The following KIF15 variants were observed in gnomAD, a reference collection of about 807,000 sequenced individuals.
KIF15 encodes kinesin-like protein KIF15.
Under a neutral mutation model 190.6 loss-of-function variants are expected in KIF15, and 140 were observed. The observed-to-expected ratio is 0.73, with a 90% CI of 0.64 to 0.84. KIF15 has a LOEUF of 0.84. Ranked by LOEUF, KIF15 falls within the 40% of genes least tolerant of loss-of-function variation. The pLI is 0.00. For synonymous variants in KIF15, 528 were observed against 551.3 expected, an observed-to-expected ratio of 0.96 and a Z score of 0.59; for missense variants, 1,372 against 1,584.4, an observed-to-expected ratio of 0.87 and a Z score of 2.28.
intron 20 of KIF15, among the ~76,000 whole-genome samples, chr3:44,818,846 G>A (rs1363574348): frequency 1.3e-5 from 2 of 152,152 alleles, no homozygotes; most frequent in Non-Finnish European, 2.9e-5. Context: ...ACCTCTGATA[G>A]AATTTGGCTG....
chr3:44,766,807 CTT>C (rs766382105), intron 1 of KIF15, among the ~76,000 whole-genome samples: 8 of 118,526 alleles, frequency 6.7e-5, no homozygotes, highest in South Asian at 2.8e-4. Flanking sequence ...TTCTTTCTTT[CTT>C]TTTTTTTTTT....
intron 22 of KIF15, chr3:44,826,880 A>G (rs529964461): frequency 1.9e-4 from 67 of 357,860 alleles, no homozygotes; most frequent in African/African-American, 1.3e-3. Context: ...TCTCCTTAGT[A>G]GTCTCAGTGA....
At chr3:44,776,240 CTT>C (rs535104266) in intron 3 of KIF15, among the ~76,000 whole-genome samples, 11 of 145,030 alleles carry the variant, frequency 7.6e-5, no homozygotes, top group African/African-American at 2.0e-4. Flanking sequence ...CAAAAGCCTT[CTT>C]TTTTTTTTTT....
chr3:44,827,571 A>G, intron 23 of KIF15, 43 bp downstream of exon 23: 1 of 1,280,312 alleles, frequency 7.8e-7, no homozygotes. Flanking sequence ...GAAGTTTATA[A>G]CTTTTATTCC....
At chr3:44,766,729 G>A (rs1285005665) in intron 1 of KIF15, among the ~76,000 whole-genome samples, 3 of 151,528 alleles carry the variant, frequency 2.0e-5, no homozygotes, top group African/African-American at 7.3e-5. Flanking sequence ...GAATGTTCTT[G>A]AACAGATGTT....
intron 20 of KIF15, among the ~76,000 whole-genome samples, chr3:44,825,579 C>T (rs1414104483): frequency 5.3e-5 from 8 of 152,178 alleles, no homozygotes; most frequent in Non-Finnish European, 1.0e-4. Flanking sequence ...CTTTCTTGCT[C>T]AAATCAAATT....
Position 44,840,350 on chromosome 3 carries a change from C to T in KIF15, c.3319-5C>T. On this transcript the variant is annotated splice_region_variant and splice_polypyrimidine_tract_variant and intron_variant, in intron 27 of 34. Transcript: ENST00000326047. ...TGTAACCTTGTATCTGTTCAATTTT[C>T]CCAGCTAAACCAAAAGAAAGAGGAA... The T allele has an allele frequency of 6.3e-7, 1 of 1,576,192 alleles. No homozygotes were observed. The highest frequency in any genetic ancestry group is 8.7e-7 in the Non-Finnish European group (1 of 1,153,682).
At chr3:44,762,005 C>T in intron 1 of KIF15, 121 bp downstream of exon 1, 1 of 1,261,490 alleles carries the variant, frequency 7.9e-7, no homozygotes, top group East Asian at 2.4e-5. Context: ...AGCTGAGTGA[C>T]CGGCGGGGAC....
intron 19 of KIF15, among the ~76,000 whole-genome samples, chr3:44,814,663 G>T (rs1344130589): frequency 6.6e-6 from 1 of 152,164 alleles, no homozygotes; most frequent in Non-Finnish European, 1.5e-5. Flanking sequence ...GCAAAGTCAA[G>T]TGACCTGTAA....
At chr3:44,857,561 GTC>G (rs2125736449), downstream of KIF15, among the ~76,000 whole-genome samples, 1 of 152,316 alleles carries the variant, frequency 6.6e-6, no homozygotes, top group East Asian at 1.9e-4. Flanking sequence ...TGCAGGAGCA[GTC>G]TCTAAAGCTG....
intron 20 of KIF15, among the ~76,000 whole-genome samples, chr3:44,822,931 T>C (rs1438714204): frequency 6.6e-6 from 1 of 152,192 alleles, no homozygotes; most frequent in Non-Finnish European, 1.5e-5. Context: ...GGTTTTTAGC[T>C]TCCTTGCATT....
intron 26 of KIF15, among the ~76,000 whole-genome samples, chr3:44,833,964 T>C (rs959398207): frequency 2.6e-5 from 4 of 152,348 alleles, no homozygotes; most frequent in African/African-American, 9.6e-5. Context: ...ATCTAGCTAT[T>C]TGAGTGGGAG....
chr3:44,857,102 G>C (rs1699197223), downstream of KIF15, among the ~76,000 whole-genome samples: 2 of 152,212 alleles, frequency 1.3e-5, no homozygotes, highest in South Asian at 2.1e-4. Flanking sequence ...AGGAAATATA[G>C]GGAAATGGAG....
intron 7 of KIF15, among the ~76,000 whole-genome samples, chr3:44,789,587 C>T (rs1424329224): frequency 6.8e-6 from 1 of 147,128 alleles, no homozygotes; most frequent in Non-Finnish European, 1.5e-5. Flanking sequence ...GAGAGATGCA[C>T]TGATTTCCCA....
At chr3:44,822,198 T>A (rs1218582301) in intron 20 of KIF15, among the ~76,000 whole-genome samples, 25 of 152,248 alleles carry the variant, frequency 1.6e-4, no homozygotes, top group Admixed American at 1.6e-3. Flanking sequence ...AAGTCAGGCC[T>A]GATGGTGACA....
chr3:44,835,674 T>C (rs1698275000), intron 26 of KIF15, among the ~76,000 whole-genome samples: 1 of 152,196 alleles, frequency 6.6e-6, no homozygotes, highest in Non-Finnish European at 1.5e-5. Flanking sequence ...TATCCAGTGT[T>C]GGACTGATGA....
Position 44,801,910 on chromosome 3 carries a change from T to A in KIF15, c.1445T>A (p.Leu482Gln). The A allele has an allele frequency of 6.2e-7, 1 of 1,614,050 alleles. No individual in the cohort carries two copies. The highest frequency in any genetic ancestry group is 1.1e-5 in the South Asian group (1 of 91,064). ...KLHKESRGGF[L>Q]PEEQDRLLSE... is the part of the protein sequence containing the mutation. Reference sequence around the variant, plus strand: ...CACAAGGAATCCCGGGGAGGTTTTCTGCCTGAGGAGCAGGATCGTTTGCTC... The same window carrying A: ...CACAAGGAATCCCGGGGAGGTTTTCAGCCTGAGGAGCAGGATCGTTTGCTC... Residue 482 changes from leucine to glutamine, a missense_variant, in exon 13 of 35, where the codon CTG becomes CAG. Physicochemically the swap from Leu to Gln is moderately radical, Grantham distance 113 (BLOSUM62 -2). Coordinates refer to ENST00000326047, the MANE Select transcript of KIF15 (RefSeq NM_020242.3).
At chr3:44,790,026 C>T (rs1386072133) in intron 7 of KIF15, among the ~76,000 whole-genome samples, 2 of 152,120 alleles carry the variant, frequency 1.3e-5, no homozygotes, top group Admixed American at 6.6e-5. Flanking sequence ...TGGGTTAAAT[C>T]GGGAATAAAT....
intron 6 of KIF15, among the ~76,000 whole-genome samples, chr3:44,785,164 C>T (rs1483306596): frequency 6.6e-6 from 1 of 152,140 alleles, no homozygotes; most frequent in Non-Finnish European, 1.5e-5. Flanking sequence ...ATGCATTATC[C>T]TTTATCCCAA....
Sources: gnomAD v4.1 joint callset for allele counts (sites outside exome capture counted in the v4.1 genomes callset) on GRCh38, gnomAD v4.1.1 for gene constraint, MANE v1.5 for transcripts, NCBI Gene and HGNC (gene_info 2026-07-23, HGNC 2026-07-21) for gene names.